STK3: variants seen among roughly 807,000 people sequenced by gnomAD.
STK3 encodes the protein serine/threonine-protein kinase 3.
STK3 carries 41 observed loss-of-function variants against 58.0 expected under a neutral mutation model. The observed-to-expected ratio is 0.71, with a 90% CI of 0.55 to 0.92. The LOEUF is 0.92. Among genes scored for constraint, STK3 ranks in the 40% least tolerant of loss-of-function variants. The pLI, the probability that STK3 is intolerant of heterozygous loss-of-function variation, is 0.00. For synonymous variants in STK3, 170 were observed against 191.0 expected (o/e 0.89, Z 0.91); for missense variants, 479 against 602.7 (o/e 0.79, Z 2.15).
chr8:98,856,060 GGGA>G (rs1836660170), intron 3 of STK3, among the ~76,000 whole-genome samples: 2 of 151,088 alleles, frequency 1.3e-5, no homozygotes, highest in South Asian at 4.2e-4. Context: ...AAGAGGCTGA[GGGA>G]GGAGAAGTTT....
At chr8:98,755,869 C>T (rs1350349786) in intron 3 of STK3, among the ~76,000 whole-genome samples, 7 of 152,108 alleles carry the variant, frequency 4.6e-5, no homozygotes, top group African/African-American at 9.7e-5. Context: ...AGGCCGGGCA[C>T]GGTGGCTCAT....
intron 3 of STK3, among the ~76,000 whole-genome samples, chr8:98,395,905 C>G (rs1339614839): frequency 6.6e-6 from 1 of 152,168 alleles, no homozygotes; most frequent in African/African-American, 2.4e-5. Flanking sequence ...GGCATTTTCT[C>G]TTTCTTGACT....
chr8:98,466,615 C>T (rs924583746), intron 10 of STK3, among the ~76,000 whole-genome samples: 2 of 152,034 alleles, frequency 1.3e-5, no homozygotes, highest in African/African-American at 4.8e-5. Flanking sequence ...GGAAGGAGAC[C>T]GGATGTTATT....
chr8:98,714,381 C>T (rs538458233), intron 4 of STK3, among the ~76,000 whole-genome samples: 3 of 152,278 alleles, frequency 2.0e-5, no homozygotes, highest in Admixed American at 2.0e-4. Context: ...CTAGAAAACC[C>T]CATATTGTCT....
rs1163917575 is a variant in STK3, at chr8:98,455,511, C to A, written c.*331G>T. 1.8e-5 allele frequency: 4 copies of A among 224,390 alleles called. No homozygotes were observed. Among genetic ancestry groups the A allele is most frequent in the Non-Finnish European group, 2.6e-5 (3 of 115,774 alleles). The allele number at this position is 224,390 out of a possible 1,614,324, so 13.9% of individuals were successfully genotyped here. ...GAATAAAGAATATTGTAACATAAAG[C>A]CCTTCAGTGCTGTACAATGCAACAA... is the stretch of plus-strand genomic sequence containing the variant. On this transcript the variant is annotated 3_prime_UTR_variant, in exon 11 of 11. Coordinates refer to ENST00000419617, the MANE Select transcript of STK3 (RefSeq NM_006281.4).
intron 4 of STK3, among the ~76,000 whole-genome samples, chr8:98,745,420 A>T (rs1829576516): frequency 6.6e-6 from 1 of 152,192 alleles, no homozygotes; most frequent in South Asian, 2.1e-4. Flanking sequence ...TATTTGAAAG[A>T]GTTCCACTTC....
downstream of STK3, among the ~76,000 whole-genome samples, chr8:98,396,990 G>C (rs1290421020): frequency 6.6e-6 from 1 of 152,144 alleles, no homozygotes; most frequent in Non-Finnish European, 1.5e-5. Flanking sequence ...CCATTTTATA[G>C]ATAAGGAAAC....
chr8:98,586,170 G>C (rs924427072), intron 7 of STK3, among the ~76,000 whole-genome samples: 2 of 151,200 alleles, frequency 1.3e-5, no homozygotes, highest in Non-Finnish European at 3.0e-5. Context: ...TCCCTGTCTT[G>C]TGCCAGTTTT....
intron 9 of STK3, among the ~76,000 whole-genome samples, chr8:98,530,775 C>A (rs2131505216): frequency 6.6e-6 from 1 of 152,364 alleles, no homozygotes; most frequent in South Asian, 2.1e-4. Context: ...AACTCTACCA[C>A]TGCTTTATCA....
Position 98,546,945 on chromosome 8 carries a change from A to G in STK3, c.1141+1024T>C, listed in dbSNP as rs115433477. 5.9e-4 allele frequency among the ~76,000 whole-genome samples: 90 copies of G among 152,314 alleles called. 1 individual carries two copies. Among genetic ancestry groups the G allele is most frequent in the African/African-American group, 2.1e-3 (89 of 41,580 alleles). On this transcript the variant is annotated intron_variant, in intron 9 of 10. Coordinates refer to ENST00000419617, the MANE Select transcript of STK3 (RefSeq NM_006281.4). Reference sequence around the variant, plus strand: ...GTGAAGAAAGCAGCAGTACTGAGCCACGTGACTTGAAGTTATGGGTCAGAC... The same window carrying G: ...GTGAAGAAAGCAGCAGTACTGAGCCGCGTGACTTGAAGTTATGGGTCAGAC...
At chr8:98,777,369 A>T (rs1268242149) in intron 1 of STK3, among the ~76,000 whole-genome samples, 1 of 152,134 alleles carries the variant, frequency 6.6e-6, no homozygotes, top group African/African-American at 2.4e-5. Flanking sequence ...CTATTAAAAA[A>T]TACAAAACGT....
intron 10 of STK3, among the ~76,000 whole-genome samples, chr8:98,523,218 T>C (rs1173668111): frequency 6.6e-6 from 1 of 152,172 alleles, no homozygotes; most frequent in Non-Finnish European, 1.5e-5. Context: ...TTTTATGTGT[T>C]TGTGTTTTGA....
chr8:98,721,484 C>A (rs1293435491), intron 4 of STK3, among the ~76,000 whole-genome samples: 1 of 151,600 alleles, frequency 6.6e-6, no homozygotes, highest in Non-Finnish European at 1.5e-5. Flanking sequence ...GGCTGGGCAA[C>A]ATAGTGAGGC....
chr8:98,737,936 C>G (rs1317990434), intron 4 of STK3, among the ~76,000 whole-genome samples: 1 of 152,130 alleles, frequency 6.6e-6, no homozygotes, highest in Non-Finnish European at 1.5e-5. Flanking sequence ...TCTCAAACTC[C>G]TGACCTCAGG....
chr8:98,798,867 G>T (rs960468563), intron 1 of STK3, among the ~76,000 whole-genome samples: 1 of 152,196 alleles, frequency 6.6e-6, no homozygotes, highest in Non-Finnish European at 1.5e-5. Flanking sequence ...TCGTGAATGG[G>T]ATTAAGACCC....
At chr8:98,410,311 A>G (rs2131039385) in intron 3 of STK3, among the ~76,000 whole-genome samples, 1 of 152,214 alleles carries the variant, frequency 6.6e-6, no homozygotes, top group East Asian at 1.9e-4. Flanking sequence ...GCCTTCATCT[A>G]CTTCTGGAGA....
intron 6 of STK3, among the ~76,000 whole-genome samples, chr8:98,684,033 T>G (rs1453662827): frequency 2.0e-5 from 3 of 152,204 alleles, no homozygotes; most frequent in Non-Finnish European, 4.4e-5. Context: ...TTTCATAAGA[T>G]GTGCTGACTG....
At chr8:98,754,489 GA>G (rs796919045) in intron 3 of STK3, among the ~76,000 whole-genome samples, 51 of 140,034 alleles carry the variant, frequency 3.6e-4, no homozygotes, top group African/African-American at 5.2e-4. Context: ...TCCTTCAGGG[GA>G]AAAAAAAAAA....
chr8:98,874,077 G>A (rs1238758610), intron 3 of STK3, among the ~76,000 whole-genome samples: 1 of 152,120 alleles, frequency 6.6e-6, no homozygotes, highest in African/African-American at 2.4e-5. Context: ...GTCTGTAAAG[G>A]ATTTTATTTC....
Sources: gnomAD v4.1 joint callset for allele counts (sites outside exome capture counted in the v4.1 genomes callset) on GRCh38, gnomAD v4.1.1 for gene constraint, MANE v1.5 for transcripts, NCBI Gene and HGNC (gene_info 2026-07-23, HGNC 2026-07-21) for gene names.